The following BLTP1 variants were observed in gnomAD, a reference collection of about 807,000 sequenced individuals.
BLTP1 encodes the protein fragile site-associated protein.
the BLTP1 span, chr4:122,175,708 G>A: frequency 1.8e-6 from 1 of 570,362 alleles, no homozygotes; most frequent in Non-Finnish European, 3.2e-6. Context: ...ACGAAAAGAT[G>A]TGTGTTTATG....
At chr4:122,306,517 C>T in the BLTP1 span, 1 of 973,808 alleles carries the variant, frequency 1.0e-6, no homozygotes, top group Non-Finnish European at 1.2e-6. Context: ...GAATTCTCTA[C>T]CTTTGCCTAT....
At chr4:122,250,016 G>T in the BLTP1 span, 11 of 938,934 alleles carry the variant, frequency 1.2e-5, no homozygotes, top group Admixed American at 6.2e-5. Flanking sequence ...ATGCCATATA[G>T]GATATAAAAA....
chr4:122,243,836 G>A, the BLTP1 span: 1 of 1,455,494 alleles, frequency 6.9e-7, no homozygotes. Context: ...TATACAATTT[G>A]CTTGTTAAAT....
At chr4:122,322,926 C>T in the BLTP1 span, among the ~76,000 whole-genome samples, 4 of 152,100 alleles carry the variant, frequency 2.6e-5, no homozygotes, top group Admixed American at 6.6e-5. Flanking sequence ...TTCCTTTTCC[C>T]TTCCCCGTGT....
At chr4:122,325,155 A>G in the BLTP1 span, 13 of 1,403,336 alleles carry the variant, frequency 9.3e-6, no homozygotes, top group African/African-American at 1.3e-4. Flanking sequence ...CATTGCCATT[A>G]ATCAGACTTT....
At chr4:122,315,458 A>T in the BLTP1 span, 1 of 1,613,950 alleles carries the variant, frequency 6.2e-7, no homozygotes, top group Non-Finnish European at 8.5e-7. Flanking sequence ...CTTTATTTAA[A>T]CAGAAAGCAG....
chr4:122,163,165 G>A, the BLTP1 span, among the ~76,000 whole-genome samples: 3 of 152,246 alleles, frequency 2.0e-5, no homozygotes, highest in East Asian at 5.8e-4. Flanking sequence ...AAAGATTCAA[G>A]GGTATATAGT....
the BLTP1 span, chr4:122,309,605 A>G: frequency 1.2e-4 from 101 of 847,590 alleles, no homozygotes; most frequent in African/African-American, 1.6e-3. Flanking sequence ...GTTACAGGTA[A>G]CAAACCATAT....
the BLTP1 span, chr4:122,334,693 A>C: frequency 5.6e-6 from 4 of 717,366 alleles, no homozygotes; most frequent in Admixed American, 1.2e-4. Flanking sequence ...CATATATGGA[A>C]GTGTGGGCCA....
chr4:122,197,521 A>G, the BLTP1 span: 1 of 759,858 alleles, frequency 1.3e-6, no homozygotes, highest in Non-Finnish European at 1.6e-6. Context: ...TCTTTTGTAG[A>G]ACTGAGCATA....
chr4:122,257,317 G>A, the BLTP1 span: 1 of 1,614,018 alleles, frequency 6.2e-7, no homozygotes, highest in Admixed American at 1.7e-5. Flanking sequence ...CAAGGCAGTG[G>A]ATGAAGTTTA....
the BLTP1 span, among the ~76,000 whole-genome samples, chr4:122,268,633 A>C: frequency 6.6e-6 from 1 of 152,174 alleles, no homozygotes; most frequent in East Asian, 1.9e-4. Context: ...AACACCGTTC[A>C]ATTGATCTTC....
chr4:122,252,136 T>C, the BLTP1 span, among the ~76,000 whole-genome samples: 1 of 152,196 alleles, frequency 6.6e-6, no homozygotes, highest in Non-Finnish European at 1.5e-5. Context: ...GAGCCCTGAA[T>C]AACCAGCAGC....
At chr4:122,349,012 CCA>C in the BLTP1 span, 2 of 672,244 alleles carry the variant, frequency 3.0e-6, no homozygotes, top group South Asian at 3.1e-5. This position sits in a 1 kb window ranked among gnomAD's most constrained non-coding sequence, Gnocchi z 4.5. Context: ...CAAATATTTA[CCA>C]CACAGTTTTT....
chr4:122,183,104 A>T, the BLTP1 span: 3 of 777,652 alleles, frequency 3.9e-6, no homozygotes, highest in Non-Finnish European at 4.7e-6. Flanking sequence ...GGAAGGCCTA[A>T]GTGGGAGGAT....
the BLTP1 span, chr4:122,211,142 C>A: frequency 1.3e-6 from 2 of 1,494,388 alleles, no homozygotes; most frequent in Non-Finnish European, 1.8e-6. Flanking sequence ...ATAGACAAAG[C>A]AATTAAAATT....
the BLTP1 span, chr4:122,238,237 T>C: frequency 6.2e-7 from 1 of 1,614,100 alleles, no homozygotes; most frequent in Non-Finnish European, 8.5e-7. Context: ...GTAGTTCTAG[T>C]GCTGCACAGC....
the BLTP1 span, chr4:122,247,502 C>G: frequency 9.4e-7 from 1 of 1,058,566 alleles, no homozygotes; most frequent in Middle Eastern, 2.8e-4. Flanking sequence ...CTATATTGAA[C>G]ACGTGGTATT....
the BLTP1 span, chr4:122,196,563 G>C: frequency 8.2e-7 from 1 of 1,219,216 alleles, no homozygotes; most frequent in Non-Finnish European, 1.2e-6. Flanking sequence ...TTAGAATATT[G>C]ATTATGTTCC....
Sources: gnomAD v4.1 joint callset for allele counts (sites outside exome capture counted in the v4.1 genomes callset) on GRCh38, gnomAD v4.1.1 for gene constraint, Gnocchi (gnomAD v3.1) non-coding constraint, MANE v1.5 for transcripts, NCBI Gene and HGNC (gene_info 2026-07-23, HGNC 2026-07-21) for gene names.